NELL2: variants seen among roughly 807,000 people sequenced by gnomAD.
The protein encoded by NELL2 is protein kinase C-binding protein NELL2.
Under a neutral mutation model 109.6 loss-of-function variants are expected in NELL2, and 41 were observed. The observed-to-expected ratio is 0.37, with a 90% CI of 0.29 to 0.49. The LOEUF (loss-of-function observed/expected upper bound fraction) is 0.49. Ranked by LOEUF, NELL2 falls within the 20% of genes least tolerant of loss-of-function variation. The pLI, the probability that NELL2 is intolerant of heterozygous loss-of-function variation, is 0.98. For synonymous variants in NELL2, 355 were observed against 344.7 expected (o/e 1.03, Z -0.33); for missense variants, 900 against 1,008.3 (o/e 0.89, Z 1.45).
chr12:44,699,465 G>T (rs1216842473), intron 12 of NELL2, among the ~76,000 whole-genome samples: 1 of 152,060 alleles, frequency 6.6e-6, no homozygotes, highest in Non-Finnish European at 1.5e-5. Context: ...AGATACTGGG[G>T]CAAGGAGAAA....
At position 44,875,259 on chromosome 12, in the gene NELL2, C is replaced by T. The variant is rs751206187; in HGVS notation, c.150G>A (p.Gly50=). ...GAAAGGCTTTCGTCCCATTATGCAG[C>T]CCCGGGACCTGACGCACTCCGGTCG... ...ESTTGVRQVP[G]LHNGTKAFLF... Residue 50 remains glycine (G), a synonymous_variant, in exon 2 of 20, where the codon GGG becomes GGA. Transcript: ENST00000429094. 2 of 1,614,092 alleles carry T rather than the reference C, an allele frequency of 1.2e-6. No individual in the cohort carries two copies. Among genetic ancestry groups the T allele is most frequent in the South Asian group, 1.1e-5 (1 of 91,080 alleles).
At chr12:44,713,261 G>C (rs1369804323) in intron 10 of NELL2, among the ~76,000 whole-genome samples, 1 of 151,116 alleles carries the variant, frequency 6.6e-6, no homozygotes, top group African/African-American at 2.4e-5. Context: ...GAGAGAGAAA[G>C]AGAAGTAGAG....
chr12:44,784,890 TAAG>T (rs1942105359), intron 3 of NELL2, among the ~76,000 whole-genome samples: 1 of 152,106 alleles, frequency 6.6e-6, no homozygotes, highest in South Asian at 2.1e-4. Flanking sequence ...CTCAAAATAA[TAAG>T]AACTATTTAT....
At chr12:44,880,506 A>G (rs889880857), upstream of NELL2, among the ~76,000 whole-genome samples, 3 of 152,112 alleles carry the variant, frequency 2.0e-5, no homozygotes, top group Non-Finnish European at 4.4e-5. Flanking sequence ...CATAAACAAA[A>G]CATGAATGTT....
chr12:44,613,059 T>C (rs1945682428), intron 13 of NELL2, among the ~76,000 whole-genome samples: 1 of 152,006 alleles, frequency 6.6e-6, no homozygotes, highest in Admixed American at 6.6e-5. Flanking sequence ...CATATATATA[T>C]ATGTTCCCTG....
chr12:44,847,716 T>C (rs1385734999), intron 2 of NELL2, among the ~76,000 whole-genome samples: 2 of 152,006 alleles, frequency 1.3e-5, no homozygotes, highest in African/African-American at 4.8e-5. Context: ...AGAGATTTTT[T>C]TTTCCTCTCT....
chr12:44,698,937 A>G (rs1257425444), intron 12 of NELL2, among the ~76,000 whole-genome samples: 1 of 152,218 alleles, frequency 6.6e-6, no homozygotes, highest in Non-Finnish European at 1.5e-5. Context: ...ACTATTATGC[A>G]CTGAAGAAAG....
intron 15 of NELL2, among the ~76,000 whole-genome samples, chr12:44,544,806 G>C (rs981163423): frequency 7.2e-5 from 11 of 152,086 alleles, no homozygotes; most frequent in African/African-American, 2.7e-4. Context: ...CTTTGGACAA[G>C]ATATCAGGGC....
intron 2 of NELL2, among the ~76,000 whole-genome samples, chr12:44,836,443 A>G (rs976402008): frequency 6.6e-6 from 1 of 152,204 alleles, no homozygotes; most frequent in Admixed American, 6.5e-5. Flanking sequence ...TAGAACCCCA[A>G]GAATGTTTCC....
At chr12:44,750,952 C>T (rs12827088) in intron 9 of NELL2, among the ~76,000 whole-genome samples, 25,536 of 151,976 alleles carry the variant, frequency 0.17, 2,229 homozygotes, top group East Asian at 0.23. Context: ...CTCCCTAAAG[C>T]ACTACTGTCA....
At chr12:44,551,611 G>A (rs1166358668) in intron 15 of NELL2, among the ~76,000 whole-genome samples, 2 of 152,002 alleles carry the variant, frequency 1.3e-5, no homozygotes, top group Non-Finnish European at 2.9e-5. Context: ...CCTACCCTCA[G>A]TTCACACAGG....
chr12:44,870,427 A>C (rs372699778), intron 2 of NELL2, among the ~76,000 whole-genome samples: 1 of 152,156 alleles, frequency 6.6e-6, no homozygotes. Context: ...CCATGCAGGA[A>C]AATTTGTATT....
intron 2 of NELL2, among the ~76,000 whole-genome samples, chr12:44,873,122 T>C (rs932677890): frequency 2.0e-5 from 3 of 152,176 alleles, no homozygotes; most frequent in Non-Finnish European, 4.4e-5. Context: ...ACTGAGAACA[T>C]GGCATGCAGG....
chr12:44,527,514 G>GT (rs1319332408), intron 16 of NELL2, among the ~76,000 whole-genome samples: 2 of 152,142 alleles, frequency 1.3e-5, no homozygotes, highest in African/African-American at 4.8e-5. Flanking sequence ...TCACACAACT[G>GT]TAACCTAAAA....
intron 12 of NELL2, among the ~76,000 whole-genome samples, chr12:44,681,151 A>G (rs1948484614): frequency 6.6e-6 from 1 of 151,082 alleles, no homozygotes; most frequent in South Asian, 2.1e-4. Flanking sequence ...ATACATATCC[A>G]TGTCAATATA....
intron 15 of NELL2, among the ~76,000 whole-genome samples, chr12:44,554,443 G>T (rs957298512): frequency 5.9e-5 from 9 of 152,142 alleles, no homozygotes; most frequent in Non-Finnish European, 1.3e-4. Context: ...GGGTTGTCTA[G>T]GCTTAGGGGA....
intron 1 of NELL2, among the ~76,000 whole-genome samples, chr12:44,901,484 G>A (rs1225222836): frequency 6.6e-6 from 1 of 152,154 alleles, no homozygotes; most frequent in African/African-American, 2.4e-5. Flanking sequence ...AAAGGAGCTG[G>A]TACCATTCCT....
intron 2 of NELL2, among the ~76,000 whole-genome samples, chr12:44,841,244 A>G (rs1034652755): frequency 1.3e-5 from 2 of 152,212 alleles, no homozygotes; most frequent in Non-Finnish European, 2.9e-5. Flanking sequence ...AGCTTCTTTA[A>G]GTGTACCCCA....
upstream of NELL2, among the ~76,000 whole-genome samples, chr12:44,914,853 A>ATT (rs57519881): frequency 6.1e-3 from 891 of 146,916 alleles, 7 homozygotes; most frequent in African/African-American, 0.02. Flanking sequence ...TAAAAAAGAA[A>ATT]TTTTTTTTTT....
Sources: allele counts gnomAD v4.1 joint callset (sites outside exome capture counted in the v4.1 genomes callset), GRCh38; gene constraint gnomAD v4.1.1; transcripts MANE v1.5; gene names NCBI Gene and HGNC (gene_info 2026-07-23, HGNC 2026-07-21).